The following ANKRD29 variants were observed in gnomAD, a reference collection of about 807,000 sequenced individuals.
ANKRD29 encodes ankyrin repeat domain 29.
ANKRD29 carries 32 observed loss-of-function variants against 38.0 expected under a neutral mutation model. That is an observed-to-expected ratio of 0.84 (90% CI 0.64 to 1.13). The LOEUF is 1.13. Ranked by LOEUF, ANKRD29 falls within the 50% of genes most tolerant of loss-of-function variation. ANKRD29 has a pLI of 0.00. For synonymous variants in ANKRD29, 135 were observed against 152.4 expected (o/e 0.89, Z 0.84); for missense variants, 357 against 377.9 (o/e 0.94, Z 0.46).
At chr18:23,622,681 C>A (rs571649748) in intron 6 of ANKRD29, among the ~76,000 whole-genome samples, 1 of 152,264 alleles carries the variant, frequency 6.6e-6, no homozygotes, top group South Asian at 2.1e-4. Flanking sequence ...ATCCTCCTGC[C>A]TCAGCCTCCC....
intron 4 of ANKRD29, among the ~76,000 whole-genome samples, chr18:23,636,264 T>C (rs1250709285): frequency 8.6e-5 from 13 of 151,462 alleles, no homozygotes; most frequent in Admixed American, 8.5e-4. Flanking sequence ...GCCTCTTGAG[T>C]AGCTGGGACT....
chr18:23,619,830 G>A, intron 6 of ANKRD29: 1 of 496,676 alleles, frequency 2.0e-6, no homozygotes, highest in Non-Finnish European at 3.5e-6. Context: ...GACGCAGACG[G>A]CACGTGGCTG....
chr18:23,657,235 G>A (rs1030061408), intron 1 of ANKRD29, among the ~76,000 whole-genome samples: 1 of 152,112 alleles, frequency 6.6e-6, no homozygotes, highest in African/African-American at 2.4e-5. Context: ...ACTTCATCCT[G>A]GGCTTCACTT....
At chr18:23,655,295 G>A (rs1052534563) in intron 1 of ANKRD29, among the ~76,000 whole-genome samples, 2 of 151,850 alleles carry the variant, frequency 1.3e-5, no homozygotes, top group East Asian at 1.9e-4. Context: ...TTGGAACTTA[G>A]GCGCAACGAT....
At chr18:23,632,531 G>GTATATATATATATATATA (rs772817461) in intron 5 of ANKRD29, among the ~76,000 whole-genome samples, 44 of 126,940 alleles carry the variant, frequency 3.5e-4, no homozygotes, top group African/African-American at 9.9e-4. Flanking sequence ...GTGTGTGTGT[G>GTATATATATATATATATA]TGTATATATA....
chr18:23,654,315 T>TC (rs1394879193), intron 1 of ANKRD29, among the ~76,000 whole-genome samples: 14 of 148,114 alleles, frequency 9.5e-5, no homozygotes, highest in African/African-American at 3.5e-4. Flanking sequence ...AATAAATAAA[T>TC]AAATAAATAA....
rs1183386240 is a variant in ANKRD29, at chr18:23,646,202, T to C, written c.218A>G (p.Asn73Ser). 8 of 1,614,004 alleles carry C rather than the reference T, an allele frequency of 5.0e-6. No individual in the cohort carries two copies. Among genetic ancestry groups the C allele is most frequent in the Admixed American group, 3.3e-5 (2 of 60,008 alleles). Residue 73 changes from asparagine to serine, a missense_variant, in exon 3 of 10, where the codon AAT becomes AGT. Physicochemically the swap from Asn to Ser is conservative, Grantham distance 46. Coordinates refer to ENST00000592179, the MANE Select transcript of ANKRD29 (RefSeq NM_173505.4). ...AGCCTGACCTACCTCTCTCTGGAGA[T>C]TGATGTCTGCTCCTTGCAGAACCAG... ...RELVLQGADI[N>S]LQRESGTTAL...
intron 9 of ANKRD29, among the ~76,000 whole-genome samples, chr18:23,607,422 A>G (rs990262056): frequency 6.6e-6 from 1 of 152,182 alleles, no homozygotes; most frequent in African/African-American, 2.4e-5. Context: ...TGGCTGGTCC[A>G]TGGTAAGCAG....
intron 1 of ANKRD29, among the ~76,000 whole-genome samples, chr18:23,652,146 T>A (rs2060217811): frequency 6.6e-6 from 1 of 152,142 alleles, no homozygotes; most frequent in African/African-American, 2.4e-5. Flanking sequence ...GGGCAGGTGC[T>A]CCTGTCACCC....
rs1194610672 is a variant in ANKRD29 at position 23,633,061 on chromosome 18, C to T, written c.429+990G>A. Among the ~76,000 whole-genome samples, 4 of 152,142 alleles carry T rather than the reference C, an allele frequency of 2.6e-5. No individual in the cohort carries two copies. The East Asian group carries it at 7.7e-4, about 29-fold the overall frequency. On this transcript the variant is annotated intron_variant, in intron 5 of 9. Coordinates refer to ENST00000592179, the MANE Select transcript of ANKRD29 (RefSeq NM_173505.4). ...AGATAATTGGAAGTAGGAATTTTTC[C>T]ACTCTTCACCATGAGACTGTCAAGT... is the stretch of plus-strand genomic sequence containing the variant.
At chr18:23,646,142 G>A (rs769267895) in intron 3 of ANKRD29, 47 bp downstream of exon 3, 29 of 1,571,838 alleles carry the variant, frequency 1.8e-5, no homozygotes, top group Non-Finnish European at 2.4e-5. Flanking sequence ...GAAAACTTCA[G>A]ATCTCTGAGC....
rs766574839 is a variant in ANKRD29, at chr18:23,609,648, T to C, written c.822+2444A>G. On this transcript the variant is annotated intron_variant, in intron 9 of 9. Transcript: ENST00000592179. ...AATTACTCATAACCATTATTGTTGG[T>C]AGTTATTCCATTATTCTAGGAGACA... 7.9e-5 allele frequency among the ~76,000 whole-genome samples: 12 copies of C among 152,226 alleles called. 1 individual carries two copies. The highest frequency in any genetic ancestry group is 2.1e-4 in the South Asian group (1 of 4,834).
At chr18:23,610,093 A>T (rs1294925925) in intron 9 of ANKRD29, among the ~76,000 whole-genome samples, 1 of 152,238 alleles carries the variant, frequency 6.6e-6, no homozygotes, top group Non-Finnish European at 1.5e-5. Context: ...ATATGCTTAG[A>T]AAAATTCAGA....
intron 4 of ANKRD29, among the ~76,000 whole-genome samples, 186 bp downstream of exon 4, chr18:23,638,663 G>T (rs144403418): frequency 6.6e-6 from 1 of 152,120 alleles, no homozygotes; most frequent in Non-Finnish European, 1.5e-5. Context: ...AAAATGTAAC[G>T]TTTTGAATAG....
intron 7 of ANKRD29, 93 bp downstream of exon 7, chr18:23,619,438 C>T (rs2145659614): frequency 8.1e-7 from 1 of 1,229,604 alleles, no homozygotes; most frequent in Non-Finnish European, 1.1e-6. Flanking sequence ...TGGGAGGAAA[C>T]CCATGTGGGC....
At chr18:23,653,590 GC>G (rs1598540653) in intron 1 of ANKRD29, among the ~76,000 whole-genome samples, 3 of 150,420 alleles carry the variant, frequency 2.0e-5, no homozygotes, top group Non-Finnish European at 4.4e-5. Context: ...TTAAAGGAAG[GC>G]CCCTCCTCTC....
At chr18:23,625,843 C>T (rs1201905363) in intron 6 of ANKRD29, among the ~76,000 whole-genome samples, 1 of 152,152 alleles carries the variant, frequency 6.6e-6, no homozygotes, top group African/African-American at 2.4e-5. Context: ...TCTGGGTCTG[C>T]TCCCTAGCTG....
In ANKRD29 at chr18:23,662,854, C is replaced by T. The variant is rs1012457801; in HGVS notation, c.-124G>A. 20 of 914,376 alleles carry T rather than the reference C, an allele frequency of 2.2e-5. No homozygotes were observed. Among genetic ancestry groups the T allele is most frequent in the Non-Finnish European group, 2.7e-5 (20 of 741,320 alleles). 56.6% of individuals were successfully genotyped at this position (914,376 alleles called of 1,614,324 possible). On this transcript the variant is annotated 5_prime_UTR_variant, in exon 1 of 10. Coordinates refer to ENST00000592179, the MANE Select transcript of ANKRD29 (RefSeq NM_173505.4). ...GGGGCGGCCTCCGACGCCGCGCGCTCCCGCCGCCCGGCCCGGCAGCAGCCG... is the reference window on the plus strand; with the variant it reads ...GGGGCGGCCTCCGACGCCGCGCGCTTCCGCCGCCCGGCCCGGCAGCAGCCG...
At chr18:23,651,245 C>T (rs2060207229) in intron 1 of ANKRD29, among the ~76,000 whole-genome samples, 1 of 152,170 alleles carries the variant, frequency 6.6e-6, no homozygotes, top group African/African-American at 2.4e-5. Context: ...TTTCCTGGCT[C>T]ATTTAGAAGG....
Sources: gnomAD v4.1 joint callset for allele counts (sites outside exome capture counted in the v4.1 genomes callset) on GRCh38, gnomAD v4.1.1 for gene constraint, MANE v1.5 for transcripts, NCBI Gene and HGNC (gene_info 2026-07-23, HGNC 2026-07-21) for gene names.